SPINK5: variants seen among roughly 807,000 people sequenced by gnomAD.
The protein encoded by SPINK5 is serine protease inhibitor Kazal-type 5.
SPINK5 carries 125 observed loss-of-function variants against 151.8 expected under a neutral mutation model. That is an observed-to-expected ratio of 0.82 (90% CI 0.71 to 0.96). The LOEUF is 0.96. SPINK5 is among the 40% of genes least tolerant of loss of function. The pLI is 0.00. For synonymous variants in SPINK5, 374 were observed against 395.3 expected, an observed-to-expected ratio of 0.95 and a Z score of 0.64; for missense variants, 1,194 against 1,291.9, an observed-to-expected ratio of 0.92 and a Z score of 1.16.
intron 30 of SPINK5, among the ~76,000 whole-genome samples, chr5:148,128,214 C>T (rs1754482359): frequency 1.3e-5 from 1 of 74,124 alleles, no homozygotes; most frequent in Admixed American, 1.5e-4. Context: ...GAGCTATTAA[C>T]AAAATATGTT....
chr5:148,065,545 TCACACACA>T lies in SPINK5; in HGVS notation c.81+193_81+200del, dbSNP rs3036741. On this transcript the variant is annotated intron_variant, in intron 2 of 32. Transcript: ENST00000256084. ...ATGAATCAGGACATGAGCCTCTCTCTCACACACACACACACACACACACACACTCAACA... is the reference window on the plus strand; with the variant it reads ...ATGAATCAGGACATGAGCCTCTCTCTCACACACACACACACACACTCAACA... 9,773 of 608,334 alleles carry T rather than the reference TCACACACA, an allele frequency of 0.016. 720 individuals carry two copies. The highest frequency in any genetic ancestry group is 0.16 in the African/African-American group (8,620 of 54,254). 37.7% of individuals were successfully genotyped at this position (608,334 alleles called of 1,614,324 possible).
intron 30 of SPINK5, among the ~76,000 whole-genome samples, chr5:148,127,965 A>G (rs767602935): frequency 1.4e-4 from 22 of 152,176 alleles, no homozygotes; most frequent in Non-Finnish European, 2.8e-4. Flanking sequence ...GAGGAGTAGA[A>G]AGGAGCAAAG....
At chr5:148,108,659 CTG>C in intron 17 of SPINK5, 92 bp from the exon 18 acceptor site, 1 of 1,538,072 alleles carries the variant, frequency 6.5e-7, no homozygotes, top group Non-Finnish European at 8.9e-7. Flanking sequence ...CTGAATCTGA[CTG>C]TTGGTTTGGA....
At chr5:148,087,601 C>T (rs543086798) in intron 5 of SPINK5, among the ~76,000 whole-genome samples, 2 of 151,922 alleles carry the variant, frequency 1.3e-5, no homozygotes, top group South Asian at 4.1e-4. Context: ...GAAGAACACA[C>T]AGATTTTTAT....
intron 5 of SPINK5, among the ~76,000 whole-genome samples, chr5:148,087,586 T>C (rs1180494317): frequency 6.6e-6 from 1 of 151,842 alleles, no homozygotes; most frequent in Non-Finnish European, 1.5e-5. Context: ...CAAACGTAGA[T>C]ATATGAAGAA....
intron 10 of SPINK5, among the ~76,000 whole-genome samples, chr5:148,097,110 CCTCT>C (rs34406219): frequency 6.7e-6 from 1 of 149,674 alleles, no homozygotes; most frequent in Non-Finnish European, 1.5e-5. Flanking sequence ...TCTTTTCCTC[CCTCT>C]CTTTCTCTCT....
At chr5:148,116,236 C>A (rs1195036862) in intron 21 of SPINK5, 134 bp from the exon 22 acceptor site, 9 of 838,928 alleles carry the variant, frequency 1.1e-5, no homozygotes, top group Non-Finnish European at 1.8e-5. Context: ...AGAAGGCCTG[C>A]AGCATAGTAG....
At chr5:148,081,463 G>T (rs1317222065) in intron 4 of SPINK5, among the ~76,000 whole-genome samples, 1 of 151,698 alleles carries the variant, frequency 6.6e-6, no homozygotes, top group Non-Finnish European at 1.5e-5. Flanking sequence ...TGACAATTTT[G>T]CAATATGGAT....
intron 28 of SPINK5, 58 bp downstream of exon 28, chr5:148,124,895 A>G: frequency 6.7e-7 from 1 of 1,502,226 alleles, no homozygotes; most frequent in Non-Finnish European, 8.9e-7. Flanking sequence ...AGAATTTTGC[A>G]TTCTTCTCCA....
rs1057518067 is a variant in SPINK5 at position 148,125,722 on chromosome 5, G to C, written c.2740-1G>C. ...TTCACTTTCCCTTTCTCATTTTCTAGGATGAGTGCAGTGAATTTCGAAACT... is the reference window on the plus strand; with the variant it reads ...TTCACTTTCCCTTTCTCATTTTCTACGATGAGTGCAGTGAATTTCGAAACT... On this transcript the variant is annotated splice_acceptor_variant, in intron 28 of 32. Transcript: ENST00000256084. LOFTEE classifies it high-confidence loss of function. The C allele has an allele frequency of 6.8e-6, 11 of 1,614,032 alleles. No individual in the cohort carries two copies. The highest frequency in any genetic ancestry group is 1.3e-5 in the African/African-American group (1 of 74,922).
At chr5:148,088,400 T>C (rs2113061983) in intron 5 of SPINK5, 142 bp from the exon 6 acceptor site, 2 of 706,016 alleles carry the variant, frequency 2.8e-6, no homozygotes, top group Non-Finnish European at 5.0e-6. Flanking sequence ...TGACTTTTAT[T>C]AGAAAAAGTA....
chr5:148,126,834 C>G (rs41291435), intron 29 of SPINK5, 149 bp from the exon 30 acceptor site: 51 of 582,264 alleles, frequency 8.8e-5, no homozygotes, highest in Non-Finnish European at 1.4e-4. Flanking sequence ...TCAGGTGATT[C>G]GCCAGCCTGG....
intron 8 of SPINK5, among the ~76,000 whole-genome samples, chr5:148,093,921 G>C (rs936406215): frequency 6.6e-6 from 1 of 151,794 alleles, no homozygotes; most frequent in Non-Finnish European, 1.5e-5. Context: ...GTATGTATTT[G>C]CCAACTTCTA....
intron 7 of SPINK5, 30 bp downstream of exon 7, chr5:148,089,651 A>T (rs375771614): frequency 6.2e-7 from 1 of 1,610,694 alleles, no homozygotes; most frequent in East Asian, 2.2e-5. Context: ...GGTGGACTTG[A>T]TGATGATGCA....
At chr5:148,128,787 T>G (rs1754500192) in intron 30 of SPINK5, among the ~76,000 whole-genome samples, 1 of 152,146 alleles carries the variant, frequency 6.6e-6, no homozygotes, top group African/African-American at 2.4e-5. Context: ...CCTCCCAAAG[T>G]GCTGGGATTA....
chr5:148,084,787 C>T (rs113866818), intron 4 of SPINK5, among the ~76,000 whole-genome samples: 8 of 151,938 alleles, frequency 5.3e-5, no homozygotes, highest in African/African-American at 1.2e-4. Flanking sequence ...TTGCAATTGC[C>T]GTTCTCTATG....
At chr5:148,112,497 A>G (rs1337505575) in intron 19 of SPINK5, among the ~76,000 whole-genome samples, 9 of 152,004 alleles carry the variant, frequency 5.9e-5, no homozygotes, top group Non-Finnish European at 7.4e-5. Context: ...ACATGGTGAA[A>G]CCCCACCTTT....
At chr5:148,082,612 T>C (rs1242680956) in intron 4 of SPINK5, among the ~76,000 whole-genome samples, 6 of 42,662 alleles carry the variant, frequency 1.4e-4, no homozygotes, top group Non-Finnish European at 2.0e-4. Flanking sequence ...TTTTTTTTTT[T>C]TTTTTTTTTT....
At chr5:148,097,573 T>C (rs1057394517) in intron 10 of SPINK5, among the ~76,000 whole-genome samples, 5 of 152,148 alleles carry the variant, frequency 3.3e-5, no homozygotes, top group South Asian at 4.1e-4. Flanking sequence ...TAATTCAGAC[T>C]AGTGTTATAT....
Sources: gnomAD v4.1 joint callset for allele counts (sites outside exome capture counted in the v4.1 genomes callset) on GRCh38, gnomAD v4.1.1 for gene constraint, MANE v1.5 for transcripts, NCBI Gene and HGNC (gene_info 2026-07-23, HGNC 2026-07-21) for gene names.